ZNF44: variants seen among roughly 807,000 people sequenced by gnomAD.
ZNF44 encodes zinc finger protein 44, also known as gonadotropin inducible transcription repressor-2.
Under a neutral mutation model 11.7 loss-of-function variants are expected in ZNF44, and 9 were observed. The observed-to-expected ratio is 0.77, with a 90% confidence interval of 0.46 to 1.35. ZNF44 has a LOEUF of 1.35. Ranked by LOEUF, ZNF44 falls within the 40% of genes most tolerant of loss-of-function variation. ZNF44 has a pLI of 0.00. For synonymous variants in ZNF44, 224 were observed against 242.7 expected (o/e 0.92, Z 0.72); for missense variants, 696 against 743.1 (o/e 0.94, Z 0.74).
rs1296439126 is a variant in ZNF44, at chr19:12,273,380, A to T, written c.875T>A (p.Val292Asp). The change falls in exon 4 of 4, where the codon GTT becomes GAT. Residue 292 changes from valine to aspartate, a missense_variant. Physicochemically the swap from Val to Asp is radical, Grantham distance 152 (BLOSUM62 -3). Coordinates refer to ENST00000355684, the MANE Select transcript of ZNF44 (RefSeq NM_016264.4). The part of the protein sequence containing the change: ...KCKQCGKAFS[V>D]SGSLRVHERI... ...TTCATGTACTCGAAGGGAACCGGAA[A>T]CACTGAAGGCTTTCCCACATTGTTT... The T allele has an allele frequency of 6.2e-7, 1 of 1,612,364 alleles. No homozygotes were observed. Among genetic ancestry groups the T allele is most frequent in the Non-Finnish European group, 8.5e-7 (1 of 1,179,588 alleles).
At position 12,272,427 on chromosome 19, in the gene ZNF44, G is replaced by A. The variant is rs767829297; in HGVS notation, c.1828C>T (p.His610Tyr). 1.9e-6 allele frequency: 3 copies of A among 1,556,638 alleles called. No individual in the cohort carries two copies. The highest frequency in any genetic ancestry group is 1.2e-5 in the South Asian group (1 of 80,500). Residue 610 changes from histidine (H) to tyrosine (Y), a missense_variant, in exon 4 of 4, where the codon CAC (histidine) becomes TAC (tyrosine). His to Tyr is a moderately conservative substitution (Grantham distance 83). Transcript: ENST00000355684. Reference sequence around the variant, plus strand: ...TACACTTATAGAATATCCTTCCAGTGTGTCCTTTTATGTCTATTAAAGGAA... The same window carrying A: ...TACACTTATAGAATATCCTTCCAGTATGTCCTTTTATGTCTATTAAAGGAA... ...LSSFNRHKRT[H>Y]WKDIL
chr19:12,276,119 AACTCACAGT>A (rs1967209896), intron 1 of ZNF44, 37 bp from the exon 2 acceptor site: 1 of 1,584,530 alleles, frequency 6.3e-7, no homozygotes, highest in Non-Finnish European at 8.6e-7. Flanking sequence ...GGAAGGTTGA[AACTCACAGT>A]ACTGAGAACC....
chr19:12,291,308 C>A, intron 1 of ZNF44: 1 of 429,216 alleles, frequency 2.3e-6, no homozygotes, highest in Non-Finnish European at 4.5e-6. Context: ...CAAATACCTA[C>A]CACACATTCT....
At chr19:12,233,563 A>C (rs1219745736) in intron 2 of ZNF44, among the ~76,000 whole-genome samples, 2 of 151,860 alleles carry the variant, frequency 1.3e-5, no homozygotes, top group African/African-American at 4.8e-5. Context: ...AAAAAAAAAA[A>C]AAAAAAAAAC....
intron 1 of ZNF44, among the ~76,000 whole-genome samples, chr19:12,286,373 T>C (rs2438518): frequency 0.4 from 60,140 of 151,936 alleles, 13,319 homozygotes; most frequent in African/African-American, 0.62. Flanking sequence ...CGGTGGCTCA[T>C]GCCTGTAATC....
At position 12,294,657 on chromosome 19, in the gene ZNF44, G is replaced by C. The variant is rs909347191; in HGVS notation, c.3+35C>G. On this transcript the variant is annotated intron_variant, in intron 1 of 3. Coordinates refer to ENST00000355684, the MANE Select transcript of ZNF44 (RefSeq NM_016264.4). Reference sequence around the variant, plus strand: ...TCCGACTGGTTCCGACCAGCCCTTCGCCCTGCCTCAGGACGCCGGGCCCCG... The same window carrying C: ...TCCGACTGGTTCCGACCAGCCCTTCCCCCTGCCTCAGGACGCCGGGCCCCG... 3.9e-6 allele frequency: 6 copies of C among 1,553,848 alleles called. No homozygotes were observed. The African/African-American group carries it at 8.3e-5, about 21-fold the overall frequency.
intron 5 of ZNF44, among the ~76,000 whole-genome samples, chr19:12,252,160 G>A (rs761609392): frequency 6.6e-6 from 1 of 151,996 alleles, no homozygotes; most frequent in Admixed American, 6.6e-5. Flanking sequence ...TCTCAGCAGA[G>A]GTTTCCTCCA....
At chr19:12,246,858 CA>C (rs55705628), downstream of ZNF44, among the ~76,000 whole-genome samples, 695 of 142,746 alleles carry the variant, frequency 4.9e-3, 2 homozygotes, top group Middle Eastern at 0.011. Flanking sequence ...AGACCCATCT[CA>C]AAAAAAAAAA....
chr19:12,284,423 C>T (rs1048058768), intron 1 of ZNF44: 25 of 631,706 alleles, frequency 4.0e-5, no homozygotes, highest in African/African-American at 3.4e-4. Flanking sequence ...GCGGAGATTT[C>T]GGCAGTGGCA....
chr19:12,261,294 C>T (rs1917494978), intron 5 of ZNF44, among the ~76,000 whole-genome samples: 1 of 152,198 alleles, frequency 6.6e-6, no homozygotes, highest in Non-Finnish European at 1.5e-5. Context: ...AATTGTGAAA[C>T]ATTAAAAATG....
At chr19:12,243,520 A>G (rs531818875), downstream of ZNF44, among the ~76,000 whole-genome samples, 1 of 152,346 alleles carries the variant, frequency 6.6e-6, no homozygotes, top group African/African-American at 2.4e-5. Flanking sequence ...ACGGCTGAGT[A>G]ATATTCTGTT....
chr19:12,268,567 TTTATTA>T (rs1220005734), downstream of ZNF44, among the ~76,000 whole-genome samples: 3 of 152,036 alleles, frequency 2.0e-5, no homozygotes, highest in South Asian at 2.1e-4. Flanking sequence ...AGAAAATCTC[TTTATTA>T]TTATTTAACT....
At chr19:12,256,956 C>T (rs1475369095) in intron 5 of ZNF44, among the ~76,000 whole-genome samples, 1 of 152,124 alleles carries the variant, frequency 6.6e-6, no homozygotes, top group Admixed American at 6.6e-5. Context: ...GATCTTCCCA[C>T]CTCAGCCTCC....
chr19:12,249,464 C>A (rs1348190935), intron 7 of ZNF44, among the ~76,000 whole-genome samples: 2 of 148,842 alleles, frequency 1.3e-5, no homozygotes, highest in Admixed American at 6.7e-5. Flanking sequence ...CGAGATCACG[C>A]CACTGCACTC....
chr19:12,246,216 T>G (rs1393756585), downstream of ZNF44, among the ~76,000 whole-genome samples: 1 of 152,172 alleles, frequency 6.6e-6, no homozygotes, highest in South Asian at 2.1e-4. Flanking sequence ...CATAATCACA[T>G]AGCACAATCT....
At chr19:12,288,919 T>C (rs770129474) in intron 1 of ZNF44, among the ~76,000 whole-genome samples, 1 of 151,362 alleles carries the variant, frequency 6.6e-6, no homozygotes, top group Non-Finnish European at 1.5e-5. Context: ...TTTTAACCTG[T>C]AACAAGGCCC....
At chr19:12,275,152 G>T in intron 2 of ZNF44, 119 bp from the exon 3 acceptor site, 1 of 666,616 alleles carries the variant, frequency 1.5e-6, no homozygotes, top group Non-Finnish European at 2.3e-6. Flanking sequence ...GTTGACTCCT[G>T]AACAACACAG....
rs765937662 is a variant in ZNF44 at position 12,230,749 on chromosome 19, A to G, written n.381-234T>C. Among the ~76,000 whole-genome samples, 8 of 152,312 alleles carry G rather than the reference A, an allele frequency of 5.3e-5. No homozygotes were observed. In the East Asian group the frequency reaches 1.5e-3, roughly 29 times the overall value. On this transcript the variant is annotated intron_variant and non_coding_transcript_variant, in intron 2 of 3. Coordinates refer to the ZNF44 transcript ENST00000597563. ...ACGAAATGCAGCTTGACAGTCAAAG[A>G]CAGGTTTATTTTAGAAAAAACCTGA... is the stretch of plus-strand genomic sequence containing the variant.
upstream of ZNF44, among the ~76,000 whole-genome samples, chr19:12,241,836 A>G (rs1027250301): frequency 2.6e-5 from 4 of 152,226 alleles, no homozygotes; most frequent in African/African-American, 9.6e-5. Context: ...TGTATCCAAT[A>G]TACCACACTT....
Sources: gnomAD v4.1 joint callset for allele counts (sites outside exome capture counted in the v4.1 genomes callset) on GRCh38, gnomAD v4.1.1 for gene constraint, MANE v1.5 for transcripts, NCBI Gene and HGNC (gene_info 2026-07-23, HGNC 2026-07-21) for gene names.